FGF14: variants seen among roughly 807,000 people sequenced by gnomAD.
The protein encoded by FGF14 is fibroblast growth factor homologous factor 4.
FGF14 carries 5 observed loss-of-function variants against 25.5 expected under a neutral mutation model. The ratio of observed to expected loss-of-function variants is 0.20; its 90% CI spans 0.10 to 0.41. The LOEUF (loss-of-function observed/expected upper bound fraction) is 0.41. Ranked by LOEUF, FGF14 falls within the 10% of genes least tolerant of loss-of-function variation. The probability of loss-of-function intolerance (pLI) is 1.00; values close to 1 mark genes in which losing one functional copy is unlikely to be tolerated. For synonymous variants in FGF14, 138 were observed against 118.3 expected, an observed-to-expected ratio of 1.17 and a Z score of -1.08; for missense variants, 222 against 320.1, an observed-to-expected ratio of 0.69 and a Z score of 2.34.
intron 1 of FGF14, among the ~76,000 whole-genome samples, chr13:102,161,657 A>G (rs867353472): frequency 0.011 from 168 of 15,898 alleles, 6 homozygotes; most frequent in Non-Finnish European, 0.016. Context: ...AAGAAGAAGA[A>G]GAAGAAGAAG....
chr13:101,838,249 T>C (rs535540551), intron 3 of FGF14, among the ~76,000 whole-genome samples: 51 of 151,940 alleles, frequency 3.4e-4, no homozygotes, highest in Non-Finnish European at 5.4e-4. Context: ...ACCCTGTTCA[T>C]ATATATATAT....
chr13:102,224,759 C>T (rs1042723882), intron 1 of FGF14, among the ~76,000 whole-genome samples: 15 of 152,100 alleles, frequency 9.9e-5, no homozygotes, highest in African/African-American at 2.9e-4. Context: ...TATAATTACT[C>T]AAACATTAGC....
At chr13:101,852,697 T>G (rs2043919934) in intron 3 of FGF14, among the ~76,000 whole-genome samples, 1 of 152,060 alleles carries the variant, frequency 6.6e-6, no homozygotes, top group African/African-American at 2.4e-5. Context: ...GAATACTTGA[T>G]GTCAAAACTC....
chr13:102,115,667 C>G (rs1336060954), intron 1 of FGF14, among the ~76,000 whole-genome samples: 1 of 152,122 alleles, frequency 6.6e-6, no homozygotes, highest in African/African-American at 2.4e-5. Context: ...ACAGCAGACA[C>G]TGAGAACTGC....
intron 1 of FGF14, among the ~76,000 whole-genome samples, chr13:102,276,363 A>G (rs754306736): frequency 0.15 from 19,853 of 133,786 alleles, 1,714 homozygotes; most frequent in Non-Finnish European, 0.19. Context: ...GTATATATAT[A>G]TATATATATA....
chr13:101,990,459 C>T (rs2038837323), intron 1 of FGF14, among the ~76,000 whole-genome samples: 1 of 152,018 alleles, frequency 6.6e-6, no homozygotes, highest in Non-Finnish European at 1.5e-5. Flanking sequence ...TATGTTTACT[C>T]AACACTTTTT....
intron 3 of FGF14, among the ~76,000 whole-genome samples, chr13:101,797,735 ATGTGTGTGTGTGTGTG>A (rs1555384521): frequency 0.016 from 558 of 34,076 alleles, 5 homozygotes; most frequent in African/African-American, 0.027. Context: ...TCATGAATTG[ATGTGTGTGTGTGTGTG>A]TGTGTGTGTG....
At chr13:101,859,253 C>T (rs2044285569) in intron 3 of FGF14, among the ~76,000 whole-genome samples, 1 of 152,032 alleles carries the variant, frequency 6.6e-6, no homozygotes, top group African/African-American at 2.4e-5. Context: ...ATTAAAAACT[C>T]CCTACATAGC....
intron 1 of FGF14, among the ~76,000 whole-genome samples, chr13:101,952,927 A>C (rs1320124072): frequency 6.6e-6 from 1 of 152,154 alleles, no homozygotes; most frequent in Non-Finnish European, 1.5e-5. Context: ...CTAGCTACTC[A>C]GGAGACTGAG....
At chr13:101,972,138 G>A (rs1032492161) in intron 1 of FGF14, among the ~76,000 whole-genome samples, 13 of 152,256 alleles carry the variant, frequency 8.5e-5, no homozygotes, top group African/African-American at 1.4e-4. Context: ...TACAATGGCA[G>A]AGGAATGAAA....
intron 1 of FGF14, among the ~76,000 whole-genome samples, chr13:102,087,410 T>TC (rs1201868610): frequency 3.0e-4 from 39 of 129,324 alleles, no homozygotes; most frequent in African/African-American, 1.1e-3. Flanking sequence ...GTAATTTCTT[T>TC]TTTTTTTTTT....
Position 101,712,842 on chromosome 13 carries a change from T to G in FGF14, c.*9989A>C, listed in dbSNP as rs760886678. 6.6e-6 allele frequency: 1 copy of G among 152,116 alleles called. No homozygotes were observed. The highest frequency in any genetic ancestry group is 2.1e-4 in the South Asian group (1 of 4,824). 9.4% of individuals were successfully genotyped at this position (152,116 alleles called of 1,614,324 possible). ...AAAGAAATCTCTAAAATCAGGAAATTCCTCACCTTGATGAGACCACAAGGG... is the reference window on the plus strand; with the variant it reads ...AAAGAAATCTCTAAAATCAGGAAATGCCTCACCTTGATGAGACCACAAGGG... On this transcript the variant is annotated 3_prime_UTR_variant, in exon 5 of 5. Transcript: ENST00000376143.
At chr13:102,133,476 T>C (rs912758434) in intron 1 of FGF14, among the ~76,000 whole-genome samples, 4 of 152,218 alleles carry the variant, frequency 2.6e-5, no homozygotes, top group African/African-American at 9.6e-5. Flanking sequence ...GAAGTGTGTA[T>C]ATGTATCATA....
At chr13:102,054,086 A>T (rs1399454635) in intron 1 of FGF14, among the ~76,000 whole-genome samples, 3 of 152,208 alleles carry the variant, frequency 2.0e-5, no homozygotes, top group Admixed American at 2.0e-4. Flanking sequence ...ATTTTGCAGC[A>T]TCCTTAGGAA....
chr13:101,895,683 A>T (rs534841232), intron 1 of FGF14, among the ~76,000 whole-genome samples: 1 of 152,326 alleles, frequency 6.6e-6, no homozygotes, highest in Non-Finnish European at 1.5e-5. Flanking sequence ...CAATGAATCA[A>T]CTTTCTATAC....
chr13:102,161,827 AT>A (rs1048815132), intron 1 of FGF14, among the ~76,000 whole-genome samples: 1 of 150,410 alleles, frequency 6.6e-6, no homozygotes, highest in Non-Finnish European at 1.5e-5. Context: ...CTAGAAGATA[AT>A]TAAAAAAAAA....
chr13:102,318,694 T>C (rs2056128551), intron 1 of FGF14, among the ~76,000 whole-genome samples: 1 of 152,220 alleles, frequency 6.6e-6, no homozygotes, highest in South Asian at 2.1e-4. Flanking sequence ...TACTCTAGCA[T>C]GACCTTATCA....
intron 3 of FGF14, among the ~76,000 whole-genome samples, chr13:101,855,106 T>C (rs1316441005): frequency 2.6e-5 from 4 of 152,006 alleles, no homozygotes; most frequent in East Asian, 1.9e-4. Flanking sequence ...TCTAGTGGTA[T>C]CACACCCACG....
At chr13:102,242,598 G>A (rs943080135) in intron 1 of FGF14, among the ~76,000 whole-genome samples, 23 of 152,056 alleles carry the variant, frequency 1.5e-4, no homozygotes, top group Non-Finnish European at 3.4e-4. Flanking sequence ...TAACAGCATT[G>A]ATCCATTCCT....
Sources: gnomAD v4.1 joint callset for allele counts (sites outside exome capture counted in the v4.1 genomes callset) on GRCh38, gnomAD v4.1.1 for gene constraint, MANE v1.5 for transcripts, NCBI Gene and HGNC (gene_info 2026-07-23, HGNC 2026-07-21) for gene names.